CORIN: variants seen among roughly 807,000 people sequenced by gnomAD.
CORIN encodes atrial natriuretic peptide-converting enzyme.
Under a neutral mutation model 125.3 loss-of-function variants are expected in CORIN, and 117 were observed. The ratio of observed to expected loss-of-function variants is 0.93; its 90% CI spans 0.80 to 1.09. The LOEUF (loss-of-function observed/expected upper bound fraction) is 1.09, where lower values mean the gene tolerates loss of function less well. Ranked by LOEUF, CORIN falls within the 50% of genes least tolerant of loss-of-function variation. The pLI is 0.00. For synonymous variants in CORIN, 450 were observed against 466.4 expected, an observed-to-expected ratio of 0.96 and a Z score of 0.45; for missense variants, 1,253 against 1,306.7, an observed-to-expected ratio of 0.96 and a Z score of 0.63.
chr4:47,780,557 C>T (rs1461223582), intron 3 of CORIN, among the ~76,000 whole-genome samples: 1 of 151,794 alleles, frequency 6.6e-6, no homozygotes, highest in African/African-American at 2.4e-5. Flanking sequence ...TCTACTCCTC[C>T]ACAAAAGCAG....
chr4:47,759,925 G>A (rs1729368933), intron 4 of CORIN, among the ~76,000 whole-genome samples: 1 of 152,112 alleles, frequency 6.6e-6, no homozygotes, highest in Non-Finnish European at 1.5e-5. Context: ...CTAAAGTCTT[G>A]AACTTCTCAA....
rs371668492 is a variant in CORIN, at chr4:47,628,486, G to A, written c.2199-1965C>T. 3.3e-5 allele frequency among the ~76,000 whole-genome samples: 5 copies of A among 151,122 alleles called. No homozygotes were observed. In the East Asian group the frequency reaches 5.8e-4, roughly 18 times the overall value. On this transcript the variant is annotated intron_variant, in intron 16 of 21. Coordinates refer to ENST00000273857, the MANE Select transcript of CORIN (RefSeq NM_006587.4). ...TGTGTGTGTGTGTTAAGAACACTAA[G>A]GCCAAGAATCTTAGCAAATTTCAAG...
intron 3 of CORIN, among the ~76,000 whole-genome samples, chr4:47,765,038 G>A (rs1729649056): frequency 6.6e-6 from 1 of 152,112 alleles, no homozygotes; most frequent in Admixed American, 6.5e-5. Flanking sequence ...GGGGCCGGGT[G>A]CGGTGGCTCA....
At chr4:47,825,535 G>A (rs181860969) in intron 1 of CORIN, among the ~76,000 whole-genome samples, 48 of 152,008 alleles carry the variant, frequency 3.2e-4, no homozygotes, top group African/African-American at 9.9e-4. Flanking sequence ...TCACACATTC[G>A]CTAACATTCA....
intron 5 of CORIN, among the ~76,000 whole-genome samples, chr4:47,729,976 C>G (rs561463608): frequency 6.6e-6 from 1 of 152,268 alleles, no homozygotes; most frequent in Admixed American, 6.5e-5. Context: ...TCCGGCTCCC[C>G]ATCCACCTCG....
rs572688397 is a variant in CORIN at position 47,677,942 on chromosome 4, G to A, written c.1245C>T (p.Ser415=). 23 of 1,606,662 alleles carry A rather than the reference G, an allele frequency of 1.4e-5. No homozygotes were observed. The East Asian group carries it at 2.0e-4, about 14-fold the overall frequency. ...GGGGTGGTGGGACACACTTACTGAC[G>A]CTGCAGTTCTCCTCATCACTCCCAT... ...CKDGSDEENC[S]VIQTSCQEGD... Residue 415 remains serine (S), a synonymous_variant, in exon 9 of 22, where the codon AGC becomes AGT. Transcript: ENST00000273857.
chr4:47,695,729 A>G (rs967830801), intron 5 of CORIN, among the ~76,000 whole-genome samples: 2 of 152,244 alleles, frequency 1.3e-5, no homozygotes, highest in Admixed American at 1.3e-4. Context: ...TAACTTTTGT[A>G]AAATCTTTCT....
intron 5 of CORIN, among the ~76,000 whole-genome samples, chr4:47,741,965 T>G (rs1295177860): frequency 6.6e-6 from 1 of 151,998 alleles, no homozygotes; most frequent in Non-Finnish European, 1.5e-5. Flanking sequence ...AAAAACATTC[T>G]GAAATTATTA....
chr4:47,784,102 T>C (rs2109912065), intron 3 of CORIN, among the ~76,000 whole-genome samples: 1 of 151,990 alleles, frequency 6.6e-6, no homozygotes, highest in South Asian at 2.1e-4. Context: ...CCGTGAAAAA[T>C]GGGGTATGCT....
At chr4:47,736,771 G>A (rs1373405007) in intron 5 of CORIN, among the ~76,000 whole-genome samples, 1 of 152,194 alleles carries the variant, frequency 6.6e-6, no homozygotes, top group East Asian at 1.9e-4. Flanking sequence ...GAACTTGCCA[G>A]TTCTTGGCAT....
intron 4 of CORIN, among the ~76,000 whole-genome samples, chr4:47,761,338 T>C (rs1322090732): frequency 6.6e-6 from 1 of 152,188 alleles, no homozygotes; most frequent in Non-Finnish European, 1.5e-5. Context: ...ATTGTAGGGT[T>C]GTTAATTAGC....
chr4:47,607,431 GA>G (rs928489889), intron 19 of CORIN, among the ~76,000 whole-genome samples: 125 of 151,314 alleles, frequency 8.3e-4, no homozygotes, highest in African/African-American at 2.8e-3. Flanking sequence ...TCCACCAAAA[GA>G]AAAAAAATGT....
intron 5 of CORIN, among the ~76,000 whole-genome samples, chr4:47,737,703 T>C (rs1358529709): frequency 6.6e-6 from 1 of 152,182 alleles, no homozygotes; most frequent in Non-Finnish European, 1.5e-5. Flanking sequence ...TCAGTTACTA[T>C]TTGCAGAAAA....
intron 4 of CORIN, among the ~76,000 whole-genome samples, chr4:47,761,516 CAATGGAATACTATTCAGCCATAAA>C (rs1163766352): frequency 6.6e-6 from 1 of 151,490 alleles, no homozygotes; most frequent in African/African-American, 2.4e-5. Context: ...CACATATACA[CAATGGAATACTATTCAGCCATAAA>C]AAAGAAAAAA....
chr4:47,715,054 A>G (rs1048053764), intron 5 of CORIN, among the ~76,000 whole-genome samples: 2 of 152,246 alleles, frequency 1.3e-5, no homozygotes, highest in African/African-American at 4.8e-5. Context: ...AGGAGACTCA[A>G]AGAATTGGAA....
intron 4 of CORIN, among the ~76,000 whole-genome samples, chr4:47,761,213 C>T (rs1201611112): frequency 6.6e-6 from 1 of 152,220 alleles, no homozygotes; most frequent in Non-Finnish European, 1.5e-5. Context: ...AGAGGCCTAG[C>T]TTTCAGCATA....
rs141549981 is a variant in CORIN at position 47,794,812 on chromosome 4, A to T, written c.209-7887T>A. 3.6e-3 allele frequency among the ~76,000 whole-genome samples: 555 copies of T among 152,244 alleles called. 2 individuals are homozygous for T. The highest frequency in any genetic ancestry group is 0.013 in the African/African-American group (536 of 41,570). On this transcript the variant is annotated intron_variant, in intron 2 of 21. Coordinates refer to ENST00000273857, the MANE Select transcript of CORIN (RefSeq NM_006587.4). ...CTTTTAAAGCTGAAACGCTTTCTCC[A>T]TACAGCTGCCAATGACACCTTTTAA...
intron 7 of CORIN, 76 bp downstream of exon 7, chr4:47,683,655 A>C: frequency 9.6e-7 from 1 of 1,037,734 alleles, no homozygotes; most frequent in Non-Finnish European, 1.4e-6. Context: ...ATATTAACAC[A>C]TAATGAACTG....
chr4:47,601,554 G>C (rs1577726361), intron 20 of CORIN, among the ~76,000 whole-genome samples: 1 of 152,000 alleles, frequency 6.6e-6, no homozygotes, highest in African/African-American at 2.4e-5. Flanking sequence ...GCCCAGGCTG[G>C]TCTTGAACTC....
Sources: allele counts gnomAD v4.1 joint callset (sites outside exome capture counted in the v4.1 genomes callset), GRCh38; gene constraint gnomAD v4.1.1; transcripts MANE v1.5; gene names NCBI Gene and HGNC (gene_info 2026-07-23, HGNC 2026-07-21).